Variants in SNX31 observed in about 807,000 individuals in gnomAD.
SNX31 encodes sorting nexin-31.
A neutral mutation model predicts 65.4 loss-of-function variants in SNX31; 58 were observed. The observed-to-expected ratio is 0.89, with a 90% CI of 0.72 to 1.10. The LOEUF is 1.10. SNX31 is among the 50% of genes least tolerant of loss of function. SNX31 has a pLI of 0.00. For missense variants in SNX31, 523 were observed against 529.7 expected (o/e 0.99, Z 0.12); for synonymous variants, 181 against 190.1 (o/e 0.95, Z 0.39).
intron 7 of SNX31, among the ~76,000 whole-genome samples, chr8:100,608,768 A>G (rs1355054507): frequency 6.6e-6 from 1 of 152,142 alleles, no homozygotes; most frequent in East Asian, 1.9e-4. Flanking sequence ...TCTTGCCTGG[A>G]GGGCTCTAAG....
rs1459045960 is a variant in SNX31 at position 100,609,430 on chromosome 8, G to T, written c.612-867C>A. ...CATCTGTGAAGAACCCCAAGGCCAG[G>T]GGCCTATCCAGAGTTGCCCCTCTGA... On this transcript the variant is annotated intron_variant, in intron 7 of 13. Transcript: ENST00000311812. This position sits in a 1 kb window ranked among gnomAD's most constrained non-coding sequence, Gnocchi z 4.9. Among the ~76,000 whole-genome samples, 7 of 152,266 alleles carry T rather than the reference G, an allele frequency of 4.6e-5. No individual in the cohort carries two copies. In the South Asian group the frequency reaches 1.4e-3, roughly 32 times the overall value.
chr8:100,583,917 A>G (rs1220803506), intron 12 of SNX31, among the ~76,000 whole-genome samples, 194 bp downstream of exon 12: 1 of 152,208 alleles, frequency 6.6e-6, no homozygotes, highest in African/African-American at 2.4e-5. Flanking sequence ...AATTCTAAAG[A>G]CAGGCTTCCT....
chr8:100,600,100 C>T (rs191786812), intron 9 of SNX31, among the ~76,000 whole-genome samples: 4 of 152,052 alleles, frequency 2.6e-5, no homozygotes, highest in South Asian at 2.1e-4. Context: ...AAAAATAATG[C>T]GGAGGATCTA....
Position 100,594,805 on chromosome 8 carries a change from AG to A in SNX31, c.978+1833del. On this transcript the variant is annotated intron_variant, in intron 10 of 13. Transcript: ENST00000311812. The surrounding 1 kb of genome is among the most constrained non-coding windows in gnomAD (Gnocchi z 4.0). ...AATTGCACTTGTGGGCATTTATTCC[AG>A]AAAAATGAAGACTCATGGCCAGGCA... Among the ~76,000 whole-genome samples, 1 of 152,372 alleles carries A rather than the reference AG, an allele frequency of 6.6e-6. No individual in the cohort carries two copies.
intron 10 of SNX31, among the ~76,000 whole-genome samples, chr8:100,590,023 C>T (rs1391173956): frequency 6.6e-6 from 1 of 152,160 alleles, no homozygotes; most frequent in Non-Finnish European, 1.5e-5. Flanking sequence ...AGCTTGAGCT[C>T]CTTTGGTTCT....
rs1391264402 is a variant in SNX31, at chr8:100,660,698, T to C, written c.-58+2444A>G. Among the ~76,000 whole-genome samples the C allele has an allele frequency of 6.6e-6, 1 of 152,234 alleles. No individual in the cohort carries two copies. Among genetic ancestry groups the C allele is most frequent in the Non-Finnish European group, 1.5e-5 (1 of 68,040 alleles). On this transcript the variant is annotated intron_variant, in intron 1 of 5. Transcript: ENST00000520352. This position sits in a 1 kb window ranked among gnomAD's most constrained non-coding sequence, Gnocchi z 4.1. The stretch of plus-strand genomic sequence containing the variant: ...CTCTCCCAGCAGCCTGGCCTGGGCC[T>C]GTCAAACTCCAGTGTACTTGCTCTG...
intron 3 of SNX31, 75 bp downstream of exon 3, chr8:100,635,822 T>G (rs1818729879): frequency 3.2e-6 from 3 of 929,966 alleles, no homozygotes; most frequent in Non-Finnish European, 3.5e-6. Context: ...ATTGTACACT[T>G]TAGCAGGTGA....
intron 8 of SNX31, among the ~76,000 whole-genome samples, chr8:100,601,618 C>T (rs1315218028): frequency 6.6e-6 from 1 of 152,156 alleles, no homozygotes. Context: ...AAGATAAAAA[C>T]TAATTTCACA....
Position 100,573,950 on chromosome 8 carries a change from T to G in SNX31, c.1238A>C (p.Tyr413Ser). The change falls in exon 14 of 14, where the codon TAT becomes TCT. Residue 413 changes from tyrosine to serine, a missense_variant. Physicochemically the swap from Tyr to Ser is moderately radical, Grantham distance 144. Coordinates refer to ENST00000311812, the MANE Select transcript of SNX31 (RefSeq NM_152628.4). ...YHIQQSQQKD[Y>S]SSFLSRKSKI... The stretch of plus-strand genomic sequence containing the variant: ...GCTTTTTCTTGATAGAAAACTAGAA[T>G]AGTCTTTCTGCTGTGAAGTAAACAG... 1 of 1,567,772 alleles carries G rather than the reference T, an allele frequency of 6.4e-7. No individual in the cohort carries two copies. Among genetic ancestry groups the G allele is most frequent in the Non-Finnish European group, 8.7e-7 (1 of 1,152,996 alleles).
At chr8:100,611,620 A>G (rs565453625) in intron 7 of SNX31, among the ~76,000 whole-genome samples, 3 of 152,116 alleles carry the variant, frequency 2.0e-5, no homozygotes, top group Non-Finnish European at 4.4e-5. Flanking sequence ...CAGTGGTGTA[A>G]TCTTGGCTCA....
At chr8:100,603,134 A>G (rs1293103993) in intron 8 of SNX31, among the ~76,000 whole-genome samples, 10 of 152,154 alleles carry the variant, frequency 6.6e-5, no homozygotes, top group Admixed American at 5.9e-4. Context: ...ACCCACCCCA[A>G]GGCTTTCTCT....
At position 100,612,974 on chromosome 8, in the gene SNX31, C is replaced by A. The variant is rs758142450; in HGVS notation, c.523+21G>T. 6 of 1,607,958 alleles carry A rather than the reference C, an allele frequency of 3.7e-6. No homozygotes were observed. Among genetic ancestry groups the A allele is most frequent in the Non-Finnish European group, 5.1e-6 (6 of 1,174,470 alleles). ...TGTCCACCCCATCTCCTAGCTGATT[C>A]ATTTGTTCCTTCCTTCTTACCAGAG... On this transcript the variant is annotated intron_variant, in intron 6 of 13. Transcript: ENST00000311812. This position sits in a 1 kb window ranked among gnomAD's most constrained non-coding sequence, Gnocchi z 4.3.
At chr8:100,644,975 G>GT (rs1311767279) in intron 2 of SNX31, among the ~76,000 whole-genome samples, 1 of 152,208 alleles carries the variant, frequency 6.6e-6, no homozygotes, top group Non-Finnish European at 1.5e-5. Context: ...CCCAGGTCCA[G>GT]TTTTTATGCA....
At position 100,626,078 on chromosome 8, in the gene SNX31, T is replaced by C. The variant is rs180727155; in HGVS notation, c.321+4249A>G. On this transcript the variant is annotated intron_variant, in intron 4 of 13. Coordinates refer to ENST00000311812, the MANE Select transcript of SNX31 (RefSeq NM_152628.4). This position sits in a 1 kb window ranked among gnomAD's most constrained non-coding sequence, Gnocchi z 4.4. The stretch of plus-strand genomic sequence containing the variant: ...CCCATCTCTACTAAAATACAAAAAT[T>C]AACTGGGTGTGGTGGCATGCGCCTG... Among the ~76,000 whole-genome samples, 27 of 152,106 alleles carry C rather than the reference T, an allele frequency of 1.8e-4. No individual in the cohort carries two copies. The East Asian group carries it at 4.8e-3, about 27-fold the overall frequency.
chr8:100,587,407 G>A (rs1425442463), intron 11 of SNX31, among the ~76,000 whole-genome samples: 1 of 152,160 alleles, frequency 6.6e-6, no homozygotes, highest in Non-Finnish European at 1.5e-5. Flanking sequence ...AAAACCAGAT[G>A]TACAGCACAG....
chr8:100,596,587 A>C, intron 10 of SNX31, 52 bp downstream of exon 10: 1 of 1,496,900 alleles, frequency 6.7e-7, no homozygotes, highest in South Asian at 1.1e-5. Flanking sequence ...TTGTCATCCA[A>C]GGGTACTAGG....
chr8:100,651,669 T>C (rs917604639), upstream of SNX31, among the ~76,000 whole-genome samples: 2 of 152,352 alleles, frequency 1.3e-5, no homozygotes. Context: ...TCTTCAAACA[T>C]GACCAAGAGA....
At chr8:100,581,098 C>T (rs1001661995) in intron 12 of SNX31, among the ~76,000 whole-genome samples, 27 of 147,190 alleles carry the variant, frequency 1.8e-4, no homozygotes, top group Non-Finnish European at 3.7e-4. Flanking sequence ...GAGCTCAAGA[C>T]CAGCCTGGAA....
rs1055560600 is a variant in SNX31 at position 100,640,661 on chromosome 8, G to A, written c.142-4650C>T. 4.6e-5 allele frequency among the ~76,000 whole-genome samples: 7 copies of A among 152,258 alleles called. No homozygotes were observed. The South Asian group carries it at 8.3e-4, about 18-fold the overall frequency. On this transcript the variant is annotated intron_variant, in intron 2 of 13. Transcript: ENST00000311812. ...ACTCTTGATACGATGTGATTAGTGC[G>A]GCACTTTATCTCTGGGGTCTTCATC...
Sources: allele counts gnomAD v4.1 joint callset (sites outside exome capture counted in the v4.1 genomes callset), GRCh38; gene constraint gnomAD v4.1.1; non-coding constraint Gnocchi (gnomAD v3.1); transcripts MANE v1.5; gene names NCBI Gene and HGNC (gene_info 2026-07-23, HGNC 2026-07-21).